BMAL1: variants seen among roughly 807,000 people sequenced by gnomAD.
BMAL1 encodes the protein basic helix-loop-helix ARNT-like protein 1.
the BMAL1 span, among the ~76,000 whole-genome samples, chr11:13,360,032 A>G: frequency 5.3e-5 from 8 of 152,230 alleles, no homozygotes; most frequent in African/African-American, 1.7e-4. Flanking sequence ...GTTTACTTCC[A>G]GAGCTGCCTT....
At chr11:13,281,125 C>G in the BMAL1 span, among the ~76,000 whole-genome samples, 3 of 152,118 alleles carry the variant, frequency 2.0e-5, no homozygotes, top group Non-Finnish European at 4.4e-5. Flanking sequence ...AGCTGCCATT[C>G]CTTCTCACCT....
chr11:13,320,820 A>T, the BMAL1 span, among the ~76,000 whole-genome samples: 1 of 152,198 alleles, frequency 6.6e-6, no homozygotes, highest in Non-Finnish European at 1.5e-5. Flanking sequence ...TGGGAGCCTA[A>T]CAAGCAAATA....
At chr11:13,278,858 G>C in the BMAL1 span, among the ~76,000 whole-genome samples, 1 of 152,230 alleles carries the variant, frequency 6.6e-6, no homozygotes, top group Admixed American at 6.5e-5. Context: ...ACATCCCAGA[G>C]AGCTTCCCGT....
chr11:13,330,521 A>G, the BMAL1 span, among the ~76,000 whole-genome samples: 1 of 152,258 alleles, frequency 6.6e-6, no homozygotes, highest in Admixed American at 6.5e-5. Flanking sequence ...ATCGGCCTGC[A>G]GCCACATTTC....
At chr11:13,342,426 G>A in the BMAL1 span, among the ~76,000 whole-genome samples, 2 of 152,154 alleles carry the variant, frequency 1.3e-5, no homozygotes, top group Admixed American at 6.6e-5. Context: ...AATCCTGAAT[G>A]GCCTTGCAGG....
the BMAL1 span, among the ~76,000 whole-genome samples, chr11:13,349,128 C>T: frequency 1.4e-4 from 22 of 152,156 alleles, no homozygotes; most frequent in Admixed American, 5.9e-4. Flanking sequence ...AGGGCAGTAC[C>T]GCCCGGTGGC....
At chr11:13,375,701 A>G in the BMAL1 span, 1 of 1,605,856 alleles carries the variant, frequency 6.2e-7, no homozygotes. Context: ...TCGATGGTTC[A>G]GTTTCATGAA....
the BMAL1 span, among the ~76,000 whole-genome samples, chr11:13,347,141 C>G: frequency 6.6e-6 from 1 of 151,372 alleles, no homozygotes; most frequent in African/African-American, 2.4e-5. Flanking sequence ...GCCCATAATC[C>G]CAATACTTTG....
chr11:13,368,737 T>C, the BMAL1 span, among the ~76,000 whole-genome samples: 3 of 152,224 alleles, frequency 2.0e-5, no homozygotes, highest in South Asian at 2.1e-4. Flanking sequence ...ATAGTCATGC[T>C]CCACCCCCAG....
the BMAL1 span, among the ~76,000 whole-genome samples, chr11:13,302,274 G>A: frequency 6.6e-6 from 1 of 152,132 alleles, no homozygotes; most frequent in Non-Finnish European, 1.5e-5. Context: ...TCGGGAGAGG[G>A]GCAGCAGGGT....
At chr11:13,333,306 T>TA in the BMAL1 span, among the ~76,000 whole-genome samples, 1 of 152,202 alleles carries the variant, frequency 6.6e-6, no homozygotes, top group African/African-American at 2.4e-5. Flanking sequence ...AAAATGTTGA[T>TA]AGCTTGTTGT....
At chr11:13,378,713 TTAAA>T in the BMAL1 span, 3 of 414,830 alleles carry the variant, frequency 7.2e-6, no homozygotes, top group African/African-American at 4.2e-5. Context: ...AAATCCTGCC[TTAAA>T]TAAAGAAGCT....
At chr11:13,306,321 G>C in the BMAL1 span, among the ~76,000 whole-genome samples, 1 of 152,090 alleles carries the variant, frequency 6.6e-6, no homozygotes, top group Non-Finnish European at 1.5e-5. Context: ...AGGTCCTGAA[G>C]TCCTGAGGTC....
the BMAL1 span, among the ~76,000 whole-genome samples, chr11:13,288,427 T>TCTTTTTC: frequency 1.5e-5 from 1 of 66,116 alleles, no homozygotes; most frequent in East Asian, 3.4e-4. Context: ...TTTTTTTCTT[T>TCTTTTTC]TTTTTTTTTT....
At chr11:13,313,838 G>T in the BMAL1 span, among the ~76,000 whole-genome samples, 2 of 151,992 alleles carry the variant, frequency 1.3e-5, no homozygotes, top group Non-Finnish European at 2.9e-5. Context: ...CCTTCAGCGG[G>T]GCCTGCAGTC....
chr11:13,386,589 C>A, the BMAL1 span: 397 of 1,607,610 alleles, frequency 2.5e-4, no homozygotes, highest in Non-Finnish European at 3.3e-4. Flanking sequence ...TTTATCTCCT[C>A]CCACAGGTGA....
At chr11:13,346,347 A>G in the BMAL1 span, among the ~76,000 whole-genome samples, 12 of 152,118 alleles carry the variant, frequency 7.9e-5, no homozygotes, top group African/African-American at 2.9e-4. Flanking sequence ...CTTCTTTTGC[A>G]TTTTAGGGTG....
the BMAL1 span, among the ~76,000 whole-genome samples, chr11:13,316,166 A>G: frequency 6.6e-6 from 1 of 152,112 alleles, no homozygotes; most frequent in Non-Finnish European, 1.5e-5. Flanking sequence ...ATGACTGCCC[A>G]TGGCAGGTCA....
chr11:13,300,628 A>G, the BMAL1 span, among the ~76,000 whole-genome samples: 2 of 152,248 alleles, frequency 1.3e-5, no homozygotes, highest in Non-Finnish European at 2.9e-5. Flanking sequence ...TGATGAAAAC[A>G]TAACAAACAG....
Sources: gnomAD v4.1 joint callset for allele counts (sites outside exome capture counted in the v4.1 genomes callset) on GRCh38, gnomAD v4.1.1 for gene constraint, MANE v1.5 for transcripts, NCBI Gene and HGNC (gene_info 2026-07-23, HGNC 2026-07-21) for gene names.